Variants in VLDLR observed in about 807,000 individuals in gnomAD.
VLDLR encodes very low density lipoprotein receptor, also known as very low-density lipoprotein receptor.
A neutral mutation model predicts 112.7 loss-of-function variants in VLDLR; 81 were observed. The observed-to-expected ratio is 0.72, with a 90% CI of 0.60 to 0.86. The LOEUF is 0.86. Ranked by LOEUF, VLDLR falls within the 40% of genes least tolerant of loss-of-function variation. The pLI is 0.00. For synonymous variants in VLDLR, 436 were observed against 384.8 expected (o/e 1.13, Z -1.56); for missense variants, 1,237 against 1,099.4 (o/e 1.13, Z -1.77).
At chr9:2,632,594 C>G (rs1817402699) in intron 1 of VLDLR, among the ~76,000 whole-genome samples, 1 of 152,170 alleles carries the variant, frequency 6.6e-6, no homozygotes, top group Non-Finnish European at 1.5e-5. Flanking sequence ...CTTTGGAAAC[C>G]AAAAGCCTCT....
intron 1 of VLDLR, among the ~76,000 whole-genome samples, chr9:2,623,469 G>T (rs560234647): frequency 2.8e-5 from 2 of 72,446 alleles, no homozygotes; most frequent in South Asian, 9.2e-4. Context: ...GGCTTCAGGG[G>T]CCCTGCCGGC....
chr9:2,622,174 C>A lies in VLDLR; in HGVS notation c.-16C>A. On this transcript the variant is annotated 5_prime_UTR_variant, in exon 1 of 19. Coordinates refer to ENST00000382100, the MANE Select transcript of VLDLR (RefSeq NM_003383.5). ...GCGGCGGCGGCGGCGGCGGCGGCAC[C>A]ATCCAGGCGGGCACCATGGGCACGT... is the stretch of plus-strand genomic sequence containing the variant. The A allele has an allele frequency of 6.7e-7, 1 of 1,486,172 alleles. No homozygotes were observed. Among genetic ancestry groups the A allele is most frequent in the South Asian group, 1.3e-5 (1 of 77,994 alleles). The allele number at this position is 1,486,172 out of a possible 1,614,324, so 92.1% of individuals were successfully genotyped here.
In VLDLR at chr9:2,651,968, C is replaced by T. The variant is rs771872133; in HGVS notation, c.2416+14C>T. ...TTCTTCCTCTCTGTAAGTAGATTTC[C>T]TACAAGTCTGGGTTCAAGAACTTCT... On this transcript the variant is annotated intron_variant, in intron 17 of 18. Coordinates refer to ENST00000382100, the MANE Select transcript of VLDLR (RefSeq NM_003383.5). 6 of 1,613,520 alleles carry T rather than the reference C, an allele frequency of 3.7e-6. No homozygotes were observed. The highest frequency in any genetic ancestry group is 1.1e-5 in the South Asian group (1 of 91,048).
intron 3 of VLDLR, among the ~76,000 whole-genome samples, 158 bp from the exon 4 acceptor site, chr9:2,641,219 G>A (rs1426181660): frequency 6.6e-6 from 1 of 152,182 alleles, no homozygotes; most frequent in Non-Finnish European, 1.5e-5. Context: ...AAGGAGTGGA[G>A]CTGATGAAAG....
In VLDLR at chr9:2,648,783, G is replaced by C. The variant is rs144638056; in HGVS notation, c.2077G>C (p.Val693Leu). ...NNLNDAQDII[V>L]YHELVQPSGK... is the part of the protein sequence containing the mutation. ...CCTGAATGATGCCCAAGACATCATTGTCTATCATGAACTTGTACAGCCATC... is the reference window on the plus strand; with the variant it reads ...CCTGAATGATGCCCAAGACATCATTCTCTATCATGAACTTGTACAGCCATC... The change falls in exon 14 of 19, where the codon GTC (valine) becomes CTC (leucine). Residue 693 changes from valine to leucine, a missense_variant. Physicochemically the swap from Val to Leu is conservative, Grantham distance 32. Transcript: ENST00000382100. 1.9e-5 allele frequency: 31 copies of C among 1,614,038 alleles called. No individual in the cohort carries two copies. The South Asian group carries it at 3.0e-4, about 15-fold the overall frequency.
At chr9:2,651,768 C>G in intron 16 of VLDLR, 106 bp from the exon 17 acceptor site, 3 of 1,233,330 alleles carry the variant, frequency 2.4e-6, no homozygotes, top group Non-Finnish European at 2.4e-6. Context: ...GTTGTAGATA[C>G]TGAACATCAA....
chr9:2,645,329 A>G (rs189061407), intron 9 of VLDLR, among the ~76,000 whole-genome samples: 1 of 152,280 alleles, frequency 6.6e-6, no homozygotes, highest in East Asian at 1.9e-4. Flanking sequence ...CCAAAACTTG[A>G]GTCCAACTCA....
intron 4 of VLDLR, 61 bp from the exon 5 acceptor site, chr9:2,643,099 C>T: frequency 6.3e-7 from 1 of 1,597,844 alleles, no homozygotes; most frequent in Non-Finnish European, 8.5e-7. Context: ...GATTTTGGGA[C>T]AAGAATCTTG....
At position 2,652,816 on chromosome 9, in the gene VLDLR, T is replaced by G; in HGVS notation, c.2453T>G (p.Met818Arg). ...LVMAAVGGYL[M>R]WRNWQHKNMK... is the part of the protein sequence containing the mutation. ...ATGGCAGCAGTAGGTGGCTACTTGA[T>G]GTGGCGGAATTGGCAACACAAGAAC... is the stretch of plus-strand genomic sequence containing the variant. Residue 818 changes from methionine to arginine, a missense_variant, in exon 18 of 19, where the codon ATG becomes AGG. Met to Arg is a moderately conservative substitution (Grantham distance 91). Coordinates refer to ENST00000382100, the MANE Select transcript of VLDLR (RefSeq NM_003383.5). 6.2e-7 allele frequency: 1 copy of G among 1,614,134 alleles called. No individual in the cohort carries two copies. Among genetic ancestry groups the G allele is most frequent in the Non-Finnish European group, 8.5e-7 (1 of 1,179,986 alleles).
At position 2,643,434 on chromosome 9, in the gene VLDLR, C is replaced by G; in HGVS notation, c.723C>G (p.Ala241=). 6.2e-7 allele frequency: 1 copy of G among 1,614,218 alleles called. No individual in the cohort carries two copies. The highest frequency in any genetic ancestry group is 8.5e-7 in the Non-Finnish European group (1 of 1,180,040). ...RQPVIHTKCP[A]SEIQCGSGEC... is the part of the protein sequence containing the mutation. ...CAGTCATACACACCAAGTGTCCAGC[C>G]AGCGAAATCCAGTGCGGCTCTGGCG... The change falls in exon 5 of 19, where the codon GCC becomes GCG. Residue 241 remains alanine (A), a synonymous_variant. Transcript: ENST00000382100.
rs117455332 is a variant in VLDLR, at chr9:2,628,499, G to T, written c.82+6228G>T. ...GGAAAAGTCTGAGGAAATTAGTAGG[G>T]AACTTAATCCTAGAGATAGTGGTAA... On this transcript the variant is annotated intron_variant, in intron 1 of 18. Coordinates refer to ENST00000382100, the MANE Select transcript of VLDLR (RefSeq NM_003383.5). Among the ~76,000 whole-genome samples the T allele has an allele frequency of 5.9e-4, 90 of 152,282 alleles. No individual in the cohort carries two copies. In the East Asian group the frequency reaches 0.015, roughly 26 times the overall value.
Position 2,648,759 on chromosome 9 carries a change from C to G in VLDLR, c.2053C>G (p.Leu685Val), listed in dbSNP as rs1382251366. Residue 685 changes from leucine to valine, a missense_variant, in exon 14 of 19, where the codon CTG becomes GTG. Physicochemically the swap from Leu to Val is conservative, Grantham distance 32. Transcript: ENST00000382100. ...AGAGCTAGCCACTCTAGTCAACAACCTGAATGATGCCCAAGACATCATTGT... is the reference window on the plus strand; with the variant it reads ...AGAGCTAGCCACTCTAGTCAACAACGTGAATGATGCCCAAGACATCATTGT... Reference protein sequence around the residue: ...GSELATLVNNLNDAQDIIVYH... With the variant: ...GSELATLVNNVNDAQDIIVYH... 1 of 1,614,156 alleles carries G rather than the reference C, an allele frequency of 6.2e-7. No homozygotes were observed. Among genetic ancestry groups the G allele is most frequent in the South Asian group, 1.1e-5 (1 of 91,080 alleles).
intron 18 of VLDLR, among the ~76,000 whole-genome samples, chr9:2,653,468 C>T (rs1048771437): frequency 2.0e-5 from 3 of 152,154 alleles, no homozygotes; most frequent in Admixed American, 6.6e-5. Flanking sequence ...TTGGCCTTCA[C>T]GTAGGAAACA....
chr9:2,633,474 T>A (rs1338871302), intron 1 of VLDLR, among the ~76,000 whole-genome samples: 1 of 152,160 alleles, frequency 6.6e-6, no homozygotes, highest in Non-Finnish European at 1.5e-5. Flanking sequence ...ACCTTAACCC[T>A]GAGGTGGGAA....
Position 2,622,019 on chromosome 9 carries a change from G to C in VLDLR, c.-171G>C, listed in dbSNP as rs35763266. The C allele has an allele frequency of 6.1e-3, 4,016 of 656,412 alleles. 20 individuals carry two copies. The highest frequency in any genetic ancestry group is 7.9e-3 in the Non-Finnish European group (3,074 of 388,370). The allele number at this position is 656,412 out of a possible 1,614,324, so 40.7% of individuals were successfully genotyped here. A position where few individuals can be genotyped will look rare whatever the true frequency, so the allele number is the denominator to read the frequency against. ...AGGAGACTGTGCAAGTTGTAGGGGA[G>C]GGGGTGCCCTCTTCTTCCCCGCTCC... On this transcript the variant is annotated 5_prime_UTR_variant, in exon 1 of 19. Transcript: ENST00000382100.
rs371810193 is a variant in VLDLR at position 2,649,376 on chromosome 9, AGCTTTCTT to A, written c.2104+575_2104+582del. 5.5e-3 allele frequency among the ~76,000 whole-genome samples: 843 copies of A among 151,916 alleles called. 10 individuals are homozygous for A. The highest frequency in any genetic ancestry group is 0.019 in the African/African-American group (789 of 41,432). ...CGTCCCTCTGTATATGCTCGTGTCC[AGCTTTCTT>A]GCTTTCTTTCTTTTTCTGTTTTTTG... On this transcript the variant is annotated intron_variant, in intron 14 of 18. Transcript: ENST00000382100.
At position 2,622,171 on chromosome 9, in the gene VLDLR, C is replaced by CGGG. The variant is rs1554617690; in HGVS notation, c.-19_-18insGGG. On this transcript the variant is annotated 5_prime_UTR_variant, in exon 1 of 19. Coordinates refer to ENST00000382100, the MANE Select transcript of VLDLR (RefSeq NM_003383.5). ...ACGGCGGCGGCGGCGGCGGCGGCGG[C>CGGG]ACCATCCAGGCGGGCACCATGGGCA... is the stretch of plus-strand genomic sequence containing the variant. The CGGG allele has an allele frequency of 1.4e-6, 2 of 1,476,278 alleles. No individual in the cohort carries two copies. The highest frequency in any genetic ancestry group is 1.8e-6 in the Non-Finnish European group (2 of 1,117,646). 91.4% of individuals were successfully genotyped at this position (1,476,278 alleles called of 1,614,324 possible). A position where few individuals can be genotyped will look rare whatever the true frequency, so the allele number is the denominator to read the frequency against.
At chr9:2,626,387 G>C (rs1365007163) in intron 1 of VLDLR, among the ~76,000 whole-genome samples, 4 of 152,130 alleles carry the variant, frequency 2.6e-5, no homozygotes, top group Non-Finnish European at 5.9e-5. Context: ...ACGGCATCAT[G>C]TCAGCACTCA....
rs866304345 is a variant in VLDLR at position 2,652,890 on chromosome 9, G to T, written c.2527G>T (p.Glu843Ter). 1 of 1,614,104 alleles carries T rather than the reference G, an allele frequency of 6.2e-7. No individual in the cohort carries two copies. Among genetic ancestry groups the T allele is most frequent in the Non-Finnish European group, 8.5e-7 (1 of 1,180,000 alleles). Residue 843 changes from glutamate (E) to a stop codon, truncating the protein, a stop_gained, in exon 18 of 19, where the codon GAG becomes TAG. Transcript: ENST00000382100. LOFTEE classifies it high-confidence loss of function. ...DNPVYLKTTE[E>*]DLSIDIGRHS... ...TCCTGTGTACTTGAAAACCACTGAA[G>T]AGGACCTCTCCATAGACATTGGTAG... is the stretch of plus-strand genomic sequence containing the variant.
Sources: gnomAD v4.1 joint callset for allele counts (sites outside exome capture counted in the v4.1 genomes callset) on GRCh38, gnomAD v4.1.1 for gene constraint, MANE v1.5 for transcripts, NCBI Gene and HGNC (gene_info 2026-07-23, HGNC 2026-07-21) for gene names.